ALG9: variants seen among roughly 807,000 people sequenced by gnomAD.
The protein encoded by ALG9 is alpha-1,2-mannosyltransferase ALG9.
A neutral mutation model predicts 81.8 loss-of-function variants in ALG9; 55 were observed. That is an observed-to-expected ratio of 0.67 (90% CI 0.54 to 0.84). The LOEUF (loss-of-function observed/expected upper bound fraction) is 0.84. ALG9 is among the 40% of genes least tolerant of loss of function. The pLI is 0.00. For missense variants in ALG9, 629 were observed against 745.0 expected (o/e 0.84, Z 1.81); for synonymous variants, 278 against 274.3 (o/e 1.01, Z -0.13).
chr11:111,850,539 T>A (rs1957599938), intron 8 of ALG9, among the ~76,000 whole-genome samples: 1 of 150,750 alleles, frequency 6.6e-6, no homozygotes, highest in Admixed American at 6.6e-5. Context: ...AATCCCTGTC[T>A]CTACTAAAAA....
At chr11:111,807,778 G>A (rs1188162289) in intron 14 of ALG9, among the ~76,000 whole-genome samples, 3 of 152,162 alleles carry the variant, frequency 2.0e-5, no homozygotes, top group Non-Finnish European at 2.9e-5. Flanking sequence ...GAGAAAGAGC[G>A]AGACCCCGTC....
chr11:111,798,237 A>C (rs1353468160), intron 14 of ALG9: 1 of 299,488 alleles, frequency 3.3e-6, no homozygotes, highest in Non-Finnish European at 6.6e-6. Flanking sequence ...AAAATCTCAC[A>C]ATCCCCAAAC....
chr11:111,856,899 G>C (rs1251602171), intron 6 of ALG9, among the ~76,000 whole-genome samples: 2 of 152,130 alleles, frequency 1.3e-5, no homozygotes, highest in African/African-American at 2.4e-5. Context: ...CTGAGGTCGG[G>C]AGTTCAAGAC....
chr11:111,772,880 G>C, the ALG9 span, among the ~76,000 whole-genome samples: 1 of 152,108 alleles, frequency 6.6e-6, no homozygotes, highest in Non-Finnish European at 1.5e-5. Flanking sequence ...TCTCAGACTT[G>C]TGAGGAGTGA....
chr11:111,775,596 A>G, the ALG9 span, among the ~76,000 whole-genome samples: 49 of 152,296 alleles, frequency 3.2e-4, no homozygotes, highest in African/African-American at 1.2e-3. Flanking sequence ...AGAAGGTGAT[A>G]AAAAACTGAA....
intron 11 of ALG9, 85 bp from the exon 12 acceptor site, chr11:111,837,700 G>C: frequency 2.1e-6 from 3 of 1,461,960 alleles, no homozygotes; most frequent in Non-Finnish European, 2.8e-6. Context: ...ATGTCGCACT[G>C]TAAGCCACAG....
chr11:111,780,929 C>T (rs923103494), downstream of ALG9, among the ~76,000 whole-genome samples: 30 of 152,074 alleles, frequency 2.0e-4, no homozygotes, highest in African/African-American at 6.8e-4. Context: ...TTATATGTTA[C>T]GGTTCTATGC....
intron 8 of ALG9, chr11:111,845,136 T>C (rs1190118529): frequency 3.2e-5 from 6 of 187,516 alleles, no homozygotes; most frequent in African/African-American, 1.4e-4. Flanking sequence ...AAGGAAAGAG[T>C]GATAAAAAAA....
At chr11:111,786,560 G>A in intron 14 of ALG9, 40 bp from the exon 15 acceptor site, 1 of 1,608,104 alleles carries the variant, frequency 6.2e-7, no homozygotes. Context: ...TTATCACTTG[G>A]GAGAATTTAC....
chr11:111,842,573 C>T (rs547244339), intron 9 of ALG9, among the ~76,000 whole-genome samples: 98 of 152,088 alleles, frequency 6.4e-4, no homozygotes, highest in Non-Finnish European at 1.1e-3. Flanking sequence ...AGGTGTGCAT[C>T]GCCATGCCCG....
the ALG9 span, among the ~76,000 whole-genome samples, chr11:111,772,217 G>A: frequency 6.6e-6 from 1 of 152,212 alleles, no homozygotes; most frequent in African/African-American, 2.4e-5. Context: ...CTGGAGCTCA[G>A]GAGTTTGAGA....
chr11:111,831,371 A>G (rs1434604339), intron 13 of ALG9, among the ~76,000 whole-genome samples: 1 of 151,940 alleles, frequency 6.6e-6, no homozygotes, highest in Non-Finnish European at 1.5e-5. Flanking sequence ...TCTTTACAGC[A>G]CCTGTAGTCT....
chr11:111,849,915 A>C (rs1957497525), intron 8 of ALG9: 2 of 152,184 alleles, frequency 1.3e-5, no homozygotes, highest in South Asian at 4.1e-4. Context: ...AGGCACCTGG[A>C]GCAGGAGACT....
At position 111,871,530 on chromosome 11, in the gene ALG9, C is replaced by G; in HGVS notation, c.-48G>C. 10 of 1,534,856 alleles carry G rather than the reference C, an allele frequency of 6.5e-6. No homozygotes were observed. Among genetic ancestry groups the G allele is most frequent in the Non-Finnish European group, 8.7e-6 (10 of 1,146,048 alleles). The stretch of plus-strand genomic sequence containing the variant: ...TTCGGCACCCTATGAAGTCGGTGAG[C>G]GCGCAGACATAGCTTTGGCTGGCAA... On this transcript the variant is annotated 5_prime_UTR_variant, in exon 1 of 15. Coordinates refer to ENST00000616540, the MANE Select transcript of ALG9 (RefSeq NM_024740.2).
chr11:111,848,251 G>T (rs932744821), intron 8 of ALG9, among the ~76,000 whole-genome samples: 5 of 152,182 alleles, frequency 3.3e-5, no homozygotes, highest in Non-Finnish European at 5.9e-5. Context: ...AGAAGATATT[G>T]TAATTAATAT....
At position 111,846,241 on chromosome 11, in the gene ALG9, C is replaced by T. The variant is rs1956928692; in HGVS notation, c.896-1518G>A. Reference sequence around the variant, plus strand: ...ACCAGTGCGGAAGCAGGGCTAGCAACCTCTGACTCACCTTTTTCTTAACAG... The same window carrying T: ...ACCAGTGCGGAAGCAGGGCTAGCAATCTCTGACTCACCTTTTTCTTAACAG... On this transcript the variant is annotated intron_variant, in intron 8 of 14. Transcript: ENST00000616540. Among the ~76,000 whole-genome samples, 5 of 152,292 alleles carry T rather than the reference C, an allele frequency of 3.3e-5. No individual in the cohort carries two copies. In the South Asian group the frequency reaches 1.0e-3, roughly 32 times the overall value.
intron 14 of ALG9, among the ~76,000 whole-genome samples, chr11:111,799,178 C>T (rs1489451527): frequency 6.6e-5 from 10 of 152,162 alleles, no homozygotes; most frequent in Non-Finnish European, 1.2e-4. Context: ...GAGACAGTCT[C>T]GCTCTGTCAC....
chr11:111,855,268 T>C (rs1235201222), intron 6 of ALG9, among the ~76,000 whole-genome samples: 1 of 152,236 alleles, frequency 6.6e-6, no homozygotes, highest in Non-Finnish European at 1.5e-5. Context: ...AACTATTTAG[T>C]TGTTGGGCTA....
At chr11:111,844,445 A>G (rs1427761992) in intron 9 of ALG9, among the ~76,000 whole-genome samples, 156 bp downstream of exon 9, 1 of 152,258 alleles carries the variant, frequency 6.6e-6, no homozygotes, top group Non-Finnish European at 1.5e-5. Flanking sequence ...CAAGGGTTCA[A>G]TGGATCAACA....
Sources: allele counts gnomAD v4.1 joint callset (sites outside exome capture counted in the v4.1 genomes callset), GRCh38; gene constraint gnomAD v4.1.1; transcripts MANE v1.5; gene names NCBI Gene and HGNC (gene_info 2026-07-23, HGNC 2026-07-21).